PELI2: variants seen among roughly 807,000 people sequenced by gnomAD.
PELI2 encodes pellino E3 ubiquitin protein ligase family member 2, also known as E3 ubiquitin-protein ligase pellino homolog 2.
A neutral mutation model predicts 42.3 loss-of-function variants in PELI2; 23 were observed. The ratio of observed to expected loss-of-function variants is 0.54; its 90% confidence interval spans 0.39 to 0.77. The LOEUF (loss-of-function observed/expected upper bound fraction) is 0.77. Among genes scored for constraint, PELI2 ranks in the 30% least tolerant of loss-of-function variants. The pLI, the probability that PELI2 is intolerant of heterozygous loss-of-function variation, is 0.00. For synonymous variants in PELI2, 245 were observed against 212.2 expected (o/e 1.15, Z -1.34); for missense variants, 463 against 553.2 (o/e 0.84, Z 1.64).
chr14:56,139,959 T>C lies in PELI2; in HGVS notation c.77+21222T>C, dbSNP rs900927485. ...GGCAGCTCATTGCTGTTAAAATTTC[T>C]GGCTTTTCTGGCTTTCATCAGAAAT... On this transcript the variant is annotated intron_variant, in intron 1 of 5. Transcript: ENST00000267460. 1.3e-4 allele frequency among the ~76,000 whole-genome samples: 20 copies of C among 151,504 alleles called. 1 individual carries two copies. Among genetic ancestry groups the C allele is most frequent in the Non-Finnish European group, 2.6e-4 (18 of 67,956 alleles).
chr14:56,229,329 G>C (rs1421931883), intron 2 of PELI2, among the ~76,000 whole-genome samples: 1 of 152,206 alleles, frequency 6.6e-6, no homozygotes, highest in Non-Finnish European at 1.5e-5. Flanking sequence ...AGCCCAACTG[G>C]AAGACACTTC....
chr14:56,209,390 T>C (rs375737872), intron 2 of PELI2, among the ~76,000 whole-genome samples: 2 of 152,214 alleles, frequency 1.3e-5, no homozygotes, highest in East Asian at 3.9e-4. Context: ...CTTCATATAC[T>C]TTCAACCCAA....
At chr14:56,221,306 G>A (rs1483247096) in intron 2 of PELI2, among the ~76,000 whole-genome samples, 2 of 142,794 alleles carry the variant, frequency 1.4e-5, no homozygotes, top group Non-Finnish European at 3.3e-5. Flanking sequence ...CTTGGAGAAA[G>A]GAGGATAAGT....
At chr14:56,271,677 A>G (rs184975860) in intron 2 of PELI2, among the ~76,000 whole-genome samples, 54 of 152,314 alleles carry the variant, frequency 3.5e-4, no homozygotes, top group Admixed American at 7.2e-4. Context: ...CATCATTCAG[A>G]AGGCTGTTGA....
intron 2 of PELI2, among the ~76,000 whole-genome samples, chr14:56,243,470 G>A (rs1259959068): frequency 6.6e-6 from 1 of 152,190 alleles, no homozygotes; most frequent in Non-Finnish European, 1.5e-5. Context: ...TCTTGGGCAA[G>A]TGAAGTCACA....
intron 1 of PELI2, among the ~76,000 whole-genome samples, chr14:56,177,695 G>A (rs1885434109): frequency 6.6e-6 from 1 of 152,182 alleles, no homozygotes; most frequent in Non-Finnish European, 1.5e-5. Context: ...TTGACAATTT[G>A]TGGACTAAAA....
rs1185261514 is a variant in PELI2, at chr14:56,288,139, C to T, written c.310-298C>T. ...TTCTAGAGAGTTGCTGTGCACCGTT[C>T]TGCCTGTAGTCAACAATGACTGCAT... On this transcript the variant is annotated intron_variant, in intron 3 of 5. Coordinates refer to ENST00000267460, the MANE Select transcript of PELI2 (RefSeq NM_021255.3). The surrounding 1 kb of genome is among the most constrained non-coding windows in gnomAD (Gnocchi z 4.6). 1.3e-5 allele frequency among the ~76,000 whole-genome samples: 2 copies of T among 152,196 alleles called. No individual in the cohort carries two copies. Among genetic ancestry groups the T allele is most frequent in the African/African-American group, 4.8e-5 (2 of 41,452 alleles).
rs1447404931 is a variant in PELI2 at position 56,118,417 on chromosome 14, T to C, written c.-244T>C. 7.2e-6 allele frequency: 2 copies of C among 275,982 alleles called. No individual in the cohort carries two copies. The highest frequency in any genetic ancestry group is 1.3e-5 in the Non-Finnish European group (2 of 148,866). The allele number at this position is 275,982 out of a possible 1,614,324, so 17.1% of individuals were successfully genotyped here. A position where few individuals can be genotyped will look rare whatever the true frequency, so the allele number is the denominator to read the frequency against. On this transcript the variant is annotated 5_prime_UTR_variant, in exon 1 of 6. Coordinates refer to ENST00000267460, the MANE Select transcript of PELI2 (RefSeq NM_021255.3). ...GGTCCCCCTGCTGCCGGGTCCCATT[T>C]GTTGCCGGCTCTGACTCGGGGCGGC...
chr14:56,181,261 C>A (rs186364223), intron 2 of PELI2, among the ~76,000 whole-genome samples: 25 of 152,092 alleles, frequency 1.6e-4, no homozygotes, highest in African/African-American at 6.0e-4. Context: ...TAATTCCACT[C>A]CAGATTCTCT....
intron 2 of PELI2, among the ~76,000 whole-genome samples, chr14:56,209,606 A>C (rs1886644090): frequency 6.6e-6 from 1 of 152,184 alleles, no homozygotes; most frequent in South Asian, 2.1e-4. Context: ...AATGAATAAA[A>C]ATTTTTAATT....
chr14:56,122,382 C>A (rs1191035585), intron 1 of PELI2, among the ~76,000 whole-genome samples: 1 of 152,144 alleles, frequency 6.6e-6, no homozygotes, highest in South Asian at 2.1e-4. Context: ...TTGATCTGGG[C>A]TGAGCTGGGT....
chr14:56,230,021 G>A (rs146239626), intron 2 of PELI2, among the ~76,000 whole-genome samples: 1 of 152,170 alleles, frequency 6.6e-6, no homozygotes, highest in African/African-American at 2.4e-5. Flanking sequence ...TCAAATGAAT[G>A]AAATGAAGCG....
chr14:56,196,730 T>A (rs1412227208), intron 2 of PELI2, among the ~76,000 whole-genome samples: 2 of 152,258 alleles, frequency 1.3e-5, no homozygotes, highest in Non-Finnish European at 2.9e-5. Context: ...GTTAATTTCC[T>A]GACATTTATT....
At chr14:56,282,225 A>G (rs1889504588) in intron 3 of PELI2, among the ~76,000 whole-genome samples, 2 of 152,158 alleles carry the variant, frequency 1.3e-5, no homozygotes, top group Admixed American at 6.6e-5. Flanking sequence ...CCAAGGGTAT[A>G]AAACAGAACA....
At chr14:56,195,703 C>G (rs1886106093) in intron 2 of PELI2, among the ~76,000 whole-genome samples, 1 of 152,192 alleles carries the variant, frequency 6.6e-6, no homozygotes, top group Non-Finnish European at 1.5e-5. Flanking sequence ...AGAAACTTTC[C>G]CACCTTGGCT....
chr14:56,170,643 G>A lies in PELI2; in HGVS notation c.78-7692G>A, dbSNP rs73290622. 2.3e-3 allele frequency among the ~76,000 whole-genome samples: 353 copies of A among 152,006 alleles called. 3 individuals carry two copies. Among genetic ancestry groups the A allele is most frequent in the African/African-American group, 8.2e-3 (342 of 41,470 alleles). ...AGGAGTAATAATGTCTCCTTCACAGGGTTTCTTGGCACATAGTAAGTGTAC... is the reference window on the plus strand; with the variant it reads ...AGGAGTAATAATGTCTCCTTCACAGAGTTTCTTGGCACATAGTAAGTGTAC... On this transcript the variant is annotated intron_variant, in intron 1 of 5. Transcript: ENST00000267460.
At chr14:56,222,056 C>G (rs1887151408) in intron 2 of PELI2, among the ~76,000 whole-genome samples, 1 of 142,552 alleles carries the variant, frequency 7.0e-6, no homozygotes, top group Non-Finnish European at 1.5e-5. Flanking sequence ...GGCTGCTATT[C>G]TTTTTTAGCT....
At chr14:56,203,804 A>G (rs1030199140) in intron 2 of PELI2, among the ~76,000 whole-genome samples, 4 of 152,172 alleles carry the variant, frequency 2.6e-5, no homozygotes, top group East Asian at 1.9e-4. Flanking sequence ...GATTATGGCT[A>G]TATATACAGG....
At chr14:56,276,490 G>C (rs1191421741) in intron 2 of PELI2, among the ~76,000 whole-genome samples, 1 of 152,162 alleles carries the variant, frequency 6.6e-6, no homozygotes, top group Middle Eastern at 3.2e-3. Context: ...GGCCTTTGTA[G>C]GGTCAGGACT....
Sources: gnomAD v4.1 joint callset for allele counts (sites outside exome capture counted in the v4.1 genomes callset) on GRCh38, gnomAD v4.1.1 for gene constraint, Gnocchi (gnomAD v3.1) non-coding constraint, MANE v1.5 for transcripts, NCBI Gene and HGNC (gene_info 2026-07-23, HGNC 2026-07-21) for gene names.